The following TRIM44 variants were observed in gnomAD, a reference collection of about 807,000 sequenced individuals.
TRIM44 encodes tripartite motif containing 44.
In TRIM44, 13 loss-of-function variants were observed where a neutral mutation model predicts 37.4. That is an observed-to-expected ratio of 0.35 (90% CI 0.23 to 0.55). The LOEUF (loss-of-function observed/expected upper bound fraction) is 0.55. Ranked by LOEUF, TRIM44 falls within the 20% of genes least tolerant of loss-of-function variation. The pLI, the probability that TRIM44 is intolerant of heterozygous loss-of-function variation, is 0.89. For missense variants in TRIM44, 426 were observed against 437.2 expected (o/e 0.97, Z 0.23); for synonymous variants, 175 against 157.2 (o/e 1.11, Z -0.85).
At chr11:35,702,832 A>G (rs141595814) in intron 2 of TRIM44, among the ~76,000 whole-genome samples, 1,963 of 152,376 alleles carry the variant, frequency 0.013, 46 homozygotes, top group African/African-American at 0.045. Flanking sequence ...TGAGCAACGC[A>G]GAAGACGGGT....
rs2135498887 is a variant in TRIM44, at chr11:35,698,702, A to AGTAGGTT, written c.747+13368_747+13374dup. On this transcript the variant is annotated intron_variant, in intron 2 of 4. Coordinates refer to ENST00000299413, the MANE Select transcript of TRIM44 (RefSeq NM_017583.6). Reference sequence around the variant, plus strand: ...CTGGATATTAGCCCTTTGTCAGATGAGTAGGTTGCAAAAATTTTCTCCCAT... The same window carrying AGTAGGTT: ...CTGGATATTAGCCCTTTGTCAGATGAGTAGGTTGTAGGTTGCAAAAATTTTCTCCCAT... Among the ~76,000 whole-genome samples, 2 of 36,854 alleles carry AGTAGGTT rather than the reference A, an allele frequency of 5.4e-5. 1 individual carries two copies. Among genetic ancestry groups the AGTAGGTT allele is most frequent in the South Asian group, 1.6e-3 (2 of 1,230 alleles). 24.2% of individuals were successfully genotyped at this position (36,854 alleles called of 152,430 possible). A position where few individuals can be genotyped will look rare whatever the true frequency, so the allele number is the denominator to read the frequency against.
intron 4 of TRIM44, among the ~76,000 whole-genome samples, chr11:35,780,811 C>T (rs1174300295): frequency 8.0e-6 from 1 of 125,686 alleles, no homozygotes; most frequent in Admixed American, 1.0e-4. Context: ...CAAAATGGAT[C>T]GACTCAGTGA....
At chr11:35,778,390 A>G (rs191680444) in intron 4 of TRIM44, among the ~76,000 whole-genome samples, 76 of 152,254 alleles carry the variant, frequency 5.0e-4, no homozygotes, top group Non-Finnish European at 9.0e-4. Flanking sequence ...CTTCTTTGCG[A>G]TGGGTTCAAA....
chr11:35,667,973 C>T (rs1851350552), intron 1 of TRIM44, among the ~76,000 whole-genome samples: 1 of 152,034 alleles, frequency 6.6e-6, no homozygotes, highest in African/African-American at 2.4e-5. Context: ...GCTTCATAGT[C>T]TGAGGCAGAG....
chr11:35,726,264 A>T, intron 3 of TRIM44, 101 bp downstream of exon 3: 1 of 1,448,204 alleles, frequency 6.9e-7, no homozygotes, highest in Non-Finnish European at 9.3e-7. Context: ...AATGAATTGA[A>T]GTCTAGGTAG....
At chr11:35,666,301 T>C (rs541874320) in intron 1 of TRIM44, among the ~76,000 whole-genome samples, 1 of 152,318 alleles carries the variant, frequency 6.6e-6, no homozygotes, top group South Asian at 2.1e-4. Flanking sequence ...GTTATCCCTT[T>C]ATAATATGTC....
intron 2 of TRIM44, among the ~76,000 whole-genome samples, chr11:35,705,373 G>C (rs532108927): frequency 0.01 from 1,564 of 152,200 alleles, 12 homozygotes; most frequent in Non-Finnish European, 0.017. Context: ...AGTTAGCAAG[G>C]ATACCCAGGA....
chr11:35,705,784 G>C (rs1272620394), intron 2 of TRIM44, among the ~76,000 whole-genome samples: 1 of 147,432 alleles, frequency 6.8e-6, no homozygotes, highest in Non-Finnish European at 1.5e-5. Context: ...GAAATTTATA[G>C]CACTAAATGC....
At position 35,807,935 on chromosome 11, in the gene TRIM44, C is replaced by G. The variant is rs1853475591; in HGVS notation, c.*1550C>G. 1 of 152,144 alleles carries G rather than the reference C, an allele frequency of 6.6e-6. No homozygotes were observed. Among genetic ancestry groups the G allele is most frequent in the Non-Finnish European group, 1.5e-5 (1 of 68,050 alleles). The allele number at this position is 152,144 out of a possible 1,614,324, so 9.4% of individuals were successfully genotyped here. ...AAGGAGCCTGCACTGGGGGAAATCC[C>G]TTTTCCTGCCTGCCTGTCTGCCTGT... is the stretch of plus-strand genomic sequence containing the variant. On this transcript the variant is annotated 3_prime_UTR_variant, in exon 5 of 5. Transcript: ENST00000299413.
chr11:35,710,837 T>A (rs1362803691), intron 2 of TRIM44, among the ~76,000 whole-genome samples: 2 of 152,196 alleles, frequency 1.3e-5, no homozygotes, highest in African/African-American at 4.8e-5. Context: ...ACAATTCTTC[T>A]GCCAAAGAGG....
At chr11:35,725,066 T>TCTCACACACACACA (rs371948145) in intron 2 of TRIM44, among the ~76,000 whole-genome samples, 2 of 141,072 alleles carry the variant, frequency 1.4e-5, no homozygotes, top group African/African-American at 2.8e-5. Context: ...ATGCACACAC[T>TCTCACACACACACA]CACACACACA....
At chr11:35,674,722 T>C (rs1851440258) in intron 1 of TRIM44, among the ~76,000 whole-genome samples, 5 of 152,250 alleles carry the variant, frequency 3.3e-5, no homozygotes, top group Admixed American at 3.3e-4. Flanking sequence ...CTTATTATGG[T>C]GAACTGTGTG....
intron 2 of TRIM44, among the ~76,000 whole-genome samples, chr11:35,725,642 T>G (rs1852165189): frequency 6.6e-6 from 1 of 152,136 alleles, no homozygotes; most frequent in South Asian, 2.1e-4. Context: ...GGCCTCATTT[T>G]TTACTGTATA....
intron 4 of TRIM44, among the ~76,000 whole-genome samples, chr11:35,745,200 T>C (rs1724365017): frequency 6.6e-6 from 1 of 152,136 alleles, no homozygotes; most frequent in African/African-American, 2.4e-5. Flanking sequence ...GGTTTTTCTC[T>C]GCACCTTGCC....
At chr11:35,749,518 C>T (rs928893854) in intron 4 of TRIM44, among the ~76,000 whole-genome samples, 4 of 152,162 alleles carry the variant, frequency 2.6e-5, no homozygotes, top group African/African-American at 9.7e-5. Context: ...AACCCCGTCT[C>T]TACTAAAAAT....
intron 4 of TRIM44, among the ~76,000 whole-genome samples, chr11:35,775,947 T>A: frequency 6.6e-6 from 1 of 152,218 alleles, no homozygotes. Flanking sequence ...TTGTTGTGTC[T>A]CTGCCAGGCT....
intron 4 of TRIM44, among the ~76,000 whole-genome samples, chr11:35,763,251 G>C (rs1038706402): frequency 8.5e-5 from 13 of 152,076 alleles, no homozygotes; most frequent in African/African-American, 3.1e-4. Flanking sequence ...TTCAGATGGA[G>C]AGAAAGAGAG....
intron 4 of TRIM44, among the ~76,000 whole-genome samples, chr11:35,744,333 T>C (rs1852457191): frequency 1.3e-5 from 2 of 152,220 alleles, no homozygotes. Context: ...GCTAAAAGAT[T>C]ATATCTTAAA....
intron 2 of TRIM44, among the ~76,000 whole-genome samples, chr11:35,693,058 G>A (rs1328163292): frequency 2.0e-5 from 3 of 152,150 alleles, no homozygotes; most frequent in South Asian, 2.1e-4. Flanking sequence ...GTGCCTCGTG[G>A]TCAGAACAAA....
Sources: gnomAD v4.1 joint callset for allele counts (sites outside exome capture counted in the v4.1 genomes callset) on GRCh38, gnomAD v4.1.1 for gene constraint, MANE v1.5 for transcripts, NCBI Gene and HGNC (gene_info 2026-07-23, HGNC 2026-07-21) for gene names.